Variants in FHIT observed in about 807,000 individuals in gnomAD.
FHIT encodes the protein bis(5'-adenosyl)-triphosphatase.
In FHIT, 19 loss-of-function variants were observed where a neutral mutation model predicts 17.9. The ratio of observed to expected loss-of-function variants is 1.06; its 90% CI spans 0.74 to 1.56. The LOEUF is 1.56. Among genes scored for constraint, FHIT ranks in the 40% most tolerant of loss-of-function variants. The probability of loss-of-function intolerance (pLI) is 0.00; values close to 1 mark genes in which losing one functional copy is unlikely to be tolerated. For missense variants in FHIT, 248 were observed against 189.2 expected (o/e 1.31, Z -1.82); for synonymous variants, 81 against 69.7 (o/e 1.16, Z -0.81).
intron 1 of FHIT, among the ~76,000 whole-genome samples, chr3:61,250,063 G>A (rs1297272972): frequency 6.6e-6 from 1 of 151,980 alleles, no homozygotes; most frequent in African/African-American, 2.4e-5. Flanking sequence ...CGGCAGCCAT[G>A]AACGCAGGTC....
intron 5 of FHIT, among the ~76,000 whole-genome samples, chr3:60,372,177 G>A (rs940601797): frequency 6.6e-6 from 1 of 152,112 alleles, no homozygotes; most frequent in Non-Finnish European, 1.5e-5. Flanking sequence ...TGACAATGTT[G>A]TTTCCTAGCC....
At chr3:60,932,478 G>C (rs1708006494) in intron 3 of FHIT, among the ~76,000 whole-genome samples, 2 of 152,166 alleles carry the variant, frequency 1.3e-5, no homozygotes, top group Admixed American at 6.5e-5. Context: ...TAAGGGATCA[G>C]AGAATTGGAG....
In FHIT at chr3:60,500,770, C is replaced by CT. The variant is rs1239964046; in HGVS notation, c.103+36089dup. 4.3e-3 allele frequency among the ~76,000 whole-genome samples: 192 copies of CT among 45,122 alleles called. 2 individuals carry two copies. The highest frequency in any genetic ancestry group is 6.0e-3 in the Non-Finnish European group (153 of 25,290). The allele number at this position is 45,122 out of a possible 152,430, so 29.6% of individuals were successfully genotyped here. Reference sequence around the variant, plus strand: ...CCTGGGTGACAGAGTGAGCATCCATCTAAAAAAAAAAAAAAAAAAAAAAAA... The same window carrying CT: ...CCTGGGTGACAGAGTGAGCATCCATCTTAAAAAAAAAAAAAAAAAAAAAAAA... On this transcript the variant is annotated intron_variant, in intron 5 of 9. Coordinates refer to ENST00000492590, the MANE Select transcript of FHIT (RefSeq NM_002012.4).
intron 3 of FHIT, among the ~76,000 whole-genome samples, chr3:61,029,368 G>A (rs1445294827): frequency 6.6e-6 from 1 of 152,154 alleles, no homozygotes. Context: ...CTCCCCGAGG[G>A]AATAACTAGG....
intron 5 of FHIT, among the ~76,000 whole-genome samples, chr3:60,331,336 C>T (rs1709966930): frequency 6.6e-6 from 1 of 152,138 alleles, no homozygotes; most frequent in Non-Finnish European, 1.5e-5. Flanking sequence ...CCACATGTCC[C>T]TAAGTGCCAA....
chr3:61,045,759 T>G (rs531496062), intron 2 of FHIT, among the ~76,000 whole-genome samples: 19 of 152,152 alleles, frequency 1.2e-4, no homozygotes, highest in African/African-American at 4.3e-4. Context: ...CCTCAGCAAA[T>G]GTAAAAGAAC....
chr3:60,285,927 C>T (rs979312899), intron 5 of FHIT, among the ~76,000 whole-genome samples: 1 of 152,090 alleles, frequency 6.6e-6, no homozygotes, highest in Non-Finnish European at 1.5e-5. Context: ...TCAACTAGAA[C>T]TCTTATAACT....
intron 5 of FHIT, among the ~76,000 whole-genome samples, chr3:60,490,313 C>G (rs895799225): frequency 1.1e-4 from 17 of 151,984 alleles, no homozygotes; most frequent in African/African-American, 4.1e-4. Context: ...AAAATAAACT[C>G]TCACCTTAGT....
intron 7 of FHIT, among the ~76,000 whole-genome samples, chr3:59,999,369 C>G (rs1006832947): frequency 2.6e-5 from 4 of 152,118 alleles, no homozygotes; most frequent in African/African-American, 9.7e-5. Context: ...TGGTCACGCA[C>G]TAGAGGGAAC....
chr3:61,249,126 T>C (rs1411402987), intron 1 of FHIT, among the ~76,000 whole-genome samples: 2 of 152,146 alleles, frequency 1.3e-5, no homozygotes, highest in Non-Finnish European at 2.9e-5. Flanking sequence ...AAGAGCAAAT[T>C]AGAGGAGAAA....
intron 3 of FHIT, among the ~76,000 whole-genome samples, chr3:60,857,826 G>A (rs1420724263): frequency 6.6e-6 from 1 of 152,120 alleles, no homozygotes; most frequent in Admixed American, 6.6e-5. Flanking sequence ...TACTTGGGAG[G>A]CTGAGGCAGG....
chr3:60,370,978 C>A (rs1347353994), intron 5 of FHIT, among the ~76,000 whole-genome samples: 1 of 152,248 alleles, frequency 6.6e-6, no homozygotes, highest in Non-Finnish European at 1.5e-5. Context: ...CCCAGCTACA[C>A]CAAACCAGTT....
intron 4 of FHIT, among the ~76,000 whole-genome samples, chr3:60,571,335 CAAAAAAAAAAAA>C (rs56094072): frequency 9.1e-5 from 5 of 54,676 alleles, no homozygotes; most frequent in Non-Finnish European, 9.6e-5. Context: ...GACTCCATCG[CAAAAAAAAAAAA>C]AAAAAAAAAA....
At chr3:60,977,783 A>C (rs13080777) in intron 3 of FHIT, among the ~76,000 whole-genome samples, 35,695 of 152,008 alleles carry the variant, frequency 0.23, 4,800 homozygotes, top group Middle Eastern at 0.32. Context: ...GGGCAGGAGA[A>C]TCACTTGAAC....
At position 60,987,349 on chromosome 3, in the gene FHIT, A is replaced by G. The variant is rs997320156; in HGVS notation, c.-111+54698T>C. 5.9e-5 allele frequency among the ~76,000 whole-genome samples: 9 copies of G among 152,280 alleles called. 1 individual carries two copies. Among genetic ancestry groups the G allele is most frequent in the African/African-American group, 1.2e-4 (5 of 41,572 alleles). On this transcript the variant is annotated intron_variant, in intron 3 of 9. Transcript: ENST00000492590. ...GGTTGTGGGTTTAGGGAATGAGGGC[A>G]AGGAACACCTGGCCTGCCCAGGGTG... is the stretch of plus-strand genomic sequence containing the variant.
Position 60,163,731 on chromosome 3 carries a change from C to G in FHIT, c.104-149579G>C, listed in dbSNP as rs77636535. 1.9e-3 allele frequency among the ~76,000 whole-genome samples: 284 copies of G among 152,284 alleles called. 1 individual carries two copies. Among genetic ancestry groups the G allele is most frequent in the African/African-American group, 6.6e-3 (273 of 41,562 alleles). On this transcript the variant is annotated intron_variant, in intron 5 of 9. Coordinates refer to ENST00000492590, the MANE Select transcript of FHIT (RefSeq NM_002012.4). Reference sequence around the variant, plus strand: ...TTGTTGTGGGGTCTGCACCGAGCATCATGGAAAGTTTAGCAGCATTCACTA... The same window carrying G: ...TTGTTGTGGGGTCTGCACCGAGCATGATGGAAAGTTTAGCAGCATTCACTA...
At position 60,909,438 on chromosome 3, in the gene FHIT, T is replaced by C. The variant is rs570067047; in HGVS notation, c.-110-87427A>G. Among the ~76,000 whole-genome samples the C allele has an allele frequency of 2.6e-5, 4 of 152,090 alleles. No homozygotes were observed. In the East Asian group the frequency reaches 7.7e-4, roughly 29 times the overall value. On this transcript the variant is annotated intron_variant, in intron 3 of 9. Coordinates refer to ENST00000492590, the MANE Select transcript of FHIT (RefSeq NM_002012.4). ...CTGCCATACAGAATGAGTTCATTCG[T>C]TGTGGAACGGAAACATGTTTACATT... is the stretch of plus-strand genomic sequence containing the variant.
At chr3:59,889,686 A>G (rs1283298240) in intron 8 of FHIT, among the ~76,000 whole-genome samples, 1 of 152,244 alleles carries the variant, frequency 6.6e-6, no homozygotes, top group East Asian at 1.9e-4. Flanking sequence ...ATAATTGCTA[A>G]TAAATGGTTT....
At position 60,358,791 on chromosome 3, in the gene FHIT, T is replaced by C. The variant is rs531364844; in HGVS notation, c.103+178069A>G. 2.0e-5 allele frequency among the ~76,000 whole-genome samples: 3 copies of C among 152,354 alleles called. No individual in the cohort carries two copies. In the East Asian group the frequency reaches 5.8e-4, roughly 29 times the overall value. On this transcript the variant is annotated intron_variant, in intron 5 of 9. Transcript: ENST00000492590. ...GAACTGGGTTATAATCTGGCTCAGG[T>C]CTTCACTAGTTGTAGGTCTTTGGGG...
Sources: gnomAD v4.1 joint callset for allele counts (sites outside exome capture counted in the v4.1 genomes callset) on GRCh38, gnomAD v4.1.1 for gene constraint, MANE v1.5 for transcripts, NCBI Gene and HGNC (gene_info 2026-07-23, HGNC 2026-07-21) for gene names.